Variants in ZNF385D observed in about 807,000 individuals in gnomAD.
ZNF385D encodes the protein zinc finger protein 385D.
Under a neutral mutation model 35.8 loss-of-function variants are expected in ZNF385D, and 15 were observed. The observed-to-expected ratio is 0.42, with a 90% CI of 0.28 to 0.64. The LOEUF is 0.64. Among genes scored for constraint, ZNF385D ranks in the 30% least tolerant of loss-of-function variants. The probability of loss-of-function intolerance (pLI) is 0.23; values close to 1 mark genes in which losing one functional copy is unlikely to be tolerated. For missense variants in ZNF385D, 474 were observed against 494.6 expected (o/e 0.96, Z 0.39); for synonymous variants, 212 against 186.8 (o/e 1.13, Z -1.10).
At chr3:21,745,814 TAGGC>T (rs1166432327) in intron 1 of ZNF385D, among the ~76,000 whole-genome samples, 3 of 152,208 alleles carry the variant, frequency 2.0e-5, no homozygotes, top group African/African-American at 7.2e-5. Context: ...CATGCTTTCT[TAGGC>T]AGGAAAAGCT....
At chr3:22,166,802 ATGT>A (rs1706362893) in intron 3 of ZNF385D, among the ~76,000 whole-genome samples, 2 of 152,218 alleles carry the variant, frequency 1.3e-5, no homozygotes. Flanking sequence ...TTGTTCTATA[ATGT>A]TGTTTATTAC....
intron 1 of ZNF385D, among the ~76,000 whole-genome samples, chr3:21,744,170 T>C (rs531062801): frequency 7.9e-5 from 12 of 152,272 alleles, no homozygotes; most frequent in Admixed American, 7.8e-4. Flanking sequence ...AAATTCCTCA[T>C]CTAAAAATAG....
chr3:21,889,433 T>C (rs943123339), intron 3 of ZNF385D, among the ~76,000 whole-genome samples: 6 of 152,132 alleles, frequency 3.9e-5, no homozygotes, highest in Admixed American at 3.3e-4. Flanking sequence ...AAGTAGGAGA[T>C]GATCCCCAGT....
chr3:22,081,840 T>G (rs1199354631), intron 3 of ZNF385D, among the ~76,000 whole-genome samples: 1 of 152,178 alleles, frequency 6.6e-6, no homozygotes, highest in Non-Finnish European at 1.5e-5. Context: ...AATACAATTG[T>G]GTATGAATTC....
intron 4 of ZNF385D, among the ~76,000 whole-genome samples, chr3:21,505,473 C>G (rs919526515): frequency 6.6e-6 from 1 of 152,160 alleles, no homozygotes; most frequent in Non-Finnish European, 1.5e-5. Flanking sequence ...AGAGAGTAAA[C>G]TATGTTCTAA....
chr3:21,889,871 G>A (rs551055038), intron 3 of ZNF385D, among the ~76,000 whole-genome samples: 3 of 152,062 alleles, frequency 2.0e-5, no homozygotes, highest in African/African-American at 4.8e-5. Flanking sequence ...TCTGTTCCAG[G>A]CCTTTTCCTT....
chr3:21,658,439 T>G (rs959457759), intron 2 of ZNF385D, among the ~76,000 whole-genome samples: 6 of 152,046 alleles, frequency 3.9e-5, no homozygotes, highest in African/African-American at 1.4e-4. Flanking sequence ...CATAAAACAG[T>G]GAGTGCTTAG....
chr3:22,105,852 A>C (rs1324870677), intron 3 of ZNF385D, among the ~76,000 whole-genome samples: 1 of 152,114 alleles, frequency 6.6e-6, no homozygotes, highest in Admixed American at 6.6e-5. Flanking sequence ...GCATCCTGGG[A>C]CCTAGGCATT....
intron 3 of ZNF385D, among the ~76,000 whole-genome samples, chr3:21,831,583 A>G (rs186982021): frequency 4.5e-4 from 68 of 152,248 alleles, no homozygotes; most frequent in Non-Finnish European, 7.2e-4. Flanking sequence ...TTCAATCAAT[A>G]TTTACTGAGT....
In ZNF385D at chr3:21,988,523, C is replaced by T. The variant is rs569650175; in HGVS notation, c.325+180294G>A. Among the ~76,000 whole-genome samples, 311 of 144,876 alleles carry T rather than the reference C, an allele frequency of 2.1e-3. 3 individuals carry two copies. The highest frequency in any genetic ancestry group is 6.4e-3 in the African/African-American group (261 of 40,852). On this transcript the variant is annotated intron_variant, in intron 3 of 5. Coordinates refer to the ZNF385D transcript ENST00000494108. ...GACCCACTTGAGGAGGCAGTCTGCC[C>T]GTTCTCAGATCTCCAGCTGCATGCT...
At chr3:21,469,769 G>T (rs1481408124) in intron 4 of ZNF385D, among the ~76,000 whole-genome samples, 6 of 151,452 alleles carry the variant, frequency 4.0e-5, no homozygotes, top group African/African-American at 7.3e-5. Flanking sequence ...TACAGTTAAA[G>T]AAATAATTAT....
chr3:21,545,714 C>T (rs1255085171), intron 3 of ZNF385D, among the ~76,000 whole-genome samples: 2 of 152,198 alleles, frequency 1.3e-5, no homozygotes, highest in Non-Finnish European at 2.9e-5. Context: ...TCAAGTTCGA[C>T]TTACAGAGCC....
At chr3:21,660,138 CCCCACCTCCTCTCTTT>C (rs2066193669) in intron 2 of ZNF385D, among the ~76,000 whole-genome samples, 1 of 151,946 alleles carries the variant, frequency 6.6e-6, no homozygotes, top group South Asian at 2.1e-4. Flanking sequence ...CCCCTCTCTT[CCCCACCTCCTCTCTTT>C]GCTCTTTCTC....
intron 3 of ZNF385D, among the ~76,000 whole-genome samples, chr3:22,057,206 C>G (rs1699450720): frequency 6.6e-6 from 1 of 152,164 alleles, no homozygotes; most frequent in Admixed American, 6.5e-5. Flanking sequence ...CAACCTTGGG[C>G]AAGTTAATTA....
chr3:22,079,414 T>A (rs925350427), intron 3 of ZNF385D, among the ~76,000 whole-genome samples: 2 of 151,976 alleles, frequency 1.3e-5, no homozygotes, highest in African/African-American at 4.8e-5. Context: ...AAAATTGACA[T>A]TCTGTTGAAG....
At chr3:22,131,439 TG>T (rs1703780308) in intron 3 of ZNF385D, among the ~76,000 whole-genome samples, 1 of 151,564 alleles carries the variant, frequency 6.6e-6, no homozygotes, top group South Asian at 2.1e-4. Flanking sequence ...AAGGAATAGG[TG>T]GGGTTGAAGT....
intron 3 of ZNF385D, among the ~76,000 whole-genome samples, chr3:22,049,655 C>A (rs768854694): frequency 2.0e-5 from 3 of 152,254 alleles, no homozygotes; most frequent in South Asian, 2.1e-4. Flanking sequence ...GTGGACTTAT[C>A]ATATATGGCC....
intron 3 of ZNF385D, among the ~76,000 whole-genome samples, chr3:22,065,619 G>A (rs1699904494): frequency 6.6e-6 from 1 of 152,108 alleles, no homozygotes; most frequent in Non-Finnish European, 1.5e-5. Context: ...GGAAAGGACT[G>A]AGTGTGTGGA....
At chr3:22,281,403 A>G (rs953781283) in intron 2 of ZNF385D, among the ~76,000 whole-genome samples, 4 of 152,112 alleles carry the variant, frequency 2.6e-5, no homozygotes, top group African/African-American at 4.8e-5. Flanking sequence ...ACCCTAAGAT[A>G]TGTCCCTTCT....
Sources: gnomAD v4.1 joint callset for allele counts (sites outside exome capture counted in the v4.1 genomes callset) on GRCh38, gnomAD v4.1.1 for gene constraint, MANE v1.5 for transcripts, NCBI Gene and HGNC (gene_info 2026-07-23, HGNC 2026-07-21) for gene names.